The following GREB1L variants were observed in gnomAD, a reference collection of about 807,000 sequenced individuals.
GREB1L encodes GREB1-like protein.
A neutral mutation model predicts 200.8 loss-of-function variants in GREB1L; 17 were observed. That is an observed-to-expected ratio of 0.08 (90% CI 0.06 to 0.13). GREB1L has a LOEUF of 0.13. GREB1L is among the 10% of genes least tolerant of loss of function. The pLI, the probability that GREB1L is intolerant of heterozygous loss-of-function variation, is 1.00. For synonymous variants in GREB1L, 789 were observed against 893.0 expected (o/e 0.88, Z 2.08); for missense variants, 1,657 against 2,367.7 (o/e 0.70, Z 6.23).
intron 15 of GREB1L, among the ~76,000 whole-genome samples, chr18:21,463,109 C>T (rs2035115679): frequency 6.8e-6 from 1 of 146,852 alleles, no homozygotes; most frequent in Non-Finnish European, 1.5e-5. Flanking sequence ...TAGGAGAGAG[C>T]CGATAGGTAA....
intron 5 of GREB1L, among the ~76,000 whole-genome samples, chr18:21,398,793 T>G (rs1484483648): frequency 1.3e-5 from 2 of 152,336 alleles, no homozygotes; most frequent in African/African-American, 4.8e-5. Flanking sequence ...ATTGATCCAG[T>G]TGGTAGTGCA....
At chr18:21,434,147 C>T (rs2033355732) in intron 7 of GREB1L, among the ~76,000 whole-genome samples, 1 of 151,980 alleles carries the variant, frequency 6.6e-6, no homozygotes, top group Admixed American at 6.6e-5. Flanking sequence ...AAATAATAAA[C>T]TCATCTAGGT....
chr18:21,443,755 G>A (rs2034045600), intron 10 of GREB1L, among the ~76,000 whole-genome samples: 1 of 152,090 alleles, frequency 6.6e-6, no homozygotes, highest in Admixed American at 6.6e-5. Flanking sequence ...ATATCCTCAA[G>A]TCCCTCATAT....
chr18:21,356,547 C>A (rs1455149722), intron 1 of GREB1L, among the ~76,000 whole-genome samples: 1 of 152,088 alleles, frequency 6.6e-6, no homozygotes, highest in Non-Finnish European at 1.5e-5. Context: ...TGTATATATA[C>A]CACATTTTCC....
chr18:21,417,234 T>C lies in GREB1L; in HGVS notation c.832+13240T>C, dbSNP rs1246090307. Among the ~76,000 whole-genome samples the C allele has an allele frequency of 4.0e-5, 6 of 151,580 alleles. No individual in the cohort carries two copies. In the East Asian group the frequency reaches 9.8e-4, roughly 25 times the overall value. On this transcript the variant is annotated intron_variant, in intron 7 of 32. Coordinates refer to ENST00000424526, the MANE Select transcript of GREB1L (RefSeq NM_001142966.3). ...TAGAATTCTATACCCAATAAAAATA[T>C]CTTTTGGCCAGGTGCGGTGGCTCAC... is the stretch of plus-strand genomic sequence containing the variant.
chr18:21,348,180 C>T (rs1366682174), intron 1 of GREB1L, among the ~76,000 whole-genome samples: 3 of 151,904 alleles, frequency 2.0e-5, no homozygotes, highest in South Asian at 2.1e-4. Context: ...CTCCTGACCT[C>T]GTGTTCCGCC....
intron 1 of GREB1L, among the ~76,000 whole-genome samples, chr18:21,247,984 C>T (rs1187500242): frequency 2.0e-5 from 3 of 152,074 alleles, no homozygotes; most frequent in South Asian, 2.1e-4. Flanking sequence ...CCTCAGCGCC[C>T]ACTAAAAAAG....
intron 23 of GREB1L, among the ~76,000 whole-genome samples, chr18:21,503,214 A>T (rs1272915473): frequency 1.3e-5 from 2 of 151,702 alleles, no homozygotes; most frequent in South Asian, 4.1e-4. Context: ...TTAATAATAA[A>T]AAAATATATA....
chr18:21,366,738 T>G (rs988604045), intron 2 of GREB1L, among the ~76,000 whole-genome samples: 1 of 151,254 alleles, frequency 6.6e-6, no homozygotes, highest in Admixed American at 6.6e-5. Context: ...TTCTCTCCTT[T>G]TGGAAGTTAC....
At chr18:21,394,952 AAATT>A (rs1157075620) in intron 4 of GREB1L, among the ~76,000 whole-genome samples, 1 of 149,906 alleles carries the variant, frequency 6.7e-6, no homozygotes, top group African/African-American at 2.5e-5. Context: ...AAAAAAAAAA[AAATT>A]AGCCGGGTGT....
At chr18:21,481,965 T>A (rs935792044) in intron 17 of GREB1L, among the ~76,000 whole-genome samples, 1 of 152,154 alleles carries the variant, frequency 6.6e-6, no homozygotes, top group African/African-American at 2.4e-5. Flanking sequence ...TCTCTGAGAG[T>A]GAAATTGCTG....
chr18:21,451,033 G>A lies in GREB1L; in HGVS notation c.1731G>A (p.Gln577=). The A allele has an allele frequency of 6.4e-7, 1 of 1,552,070 alleles. No homozygotes were observed. The highest frequency in any genetic ancestry group is 8.7e-7 in the Non-Finnish European group (1 of 1,147,050). ...TCCTCCATCCTGCAGGTCAGCACCA[G>A]TCCCGAGCTCTGGCAGAGAGCATGC... The part of the protein sequence containing the change: ...EFCVVVLGQH[Q]SRALAESMLT... The change falls in exon 13 of 33, where the codon CAG becomes CAA. Residue 577 remains glutamine (Q), a synonymous_variant. Transcript: ENST00000424526.
intron 1 of GREB1L, among the ~76,000 whole-genome samples, chr18:21,287,066 C>G (rs540942014): frequency 2.0e-5 from 3 of 152,266 alleles, no homozygotes; most frequent in Admixed American, 6.5e-5. Flanking sequence ...AAGTATTTCA[C>G]CTAGCCTGCT....
At chr18:21,309,023 G>A (rs2038748655) in intron 1 of GREB1L, among the ~76,000 whole-genome samples, 1 of 152,214 alleles carries the variant, frequency 6.6e-6, no homozygotes, top group Non-Finnish European at 1.5e-5. Context: ...AGAGTATCAA[G>A]GAAGCCCTTC....
intron 1 of GREB1L, among the ~76,000 whole-genome samples, chr18:21,347,466 T>C (rs1051357081): frequency 1.3e-5 from 2 of 151,936 alleles, no homozygotes; most frequent in African/African-American, 2.4e-5. Flanking sequence ...TCACTCTTTT[T>C]TTTTTTTGAG....
chr18:21,492,960 T>C (rs1005658381), intron 19 of GREB1L, among the ~76,000 whole-genome samples: 2 of 152,152 alleles, frequency 1.3e-5, no homozygotes, highest in Non-Finnish European at 2.9e-5. Context: ...CTTAAAAATA[T>C]ATAAAAATAA....
rs1028064999 is a variant in GREB1L at position 21,524,011 on chromosome 18, C to T, written c.*1190C>T. 6.6e-6 allele frequency: 1 copy of T among 152,148 alleles called. No homozygotes were observed. The highest frequency in any genetic ancestry group is 1.9e-4 in the East Asian group (1 of 5,196). 9.4% of individuals were successfully genotyped at this position (152,148 alleles called of 1,614,324 possible). A position where few individuals can be genotyped will look rare whatever the true frequency, so the allele number is the denominator to read the frequency against. ...ATTTCTCAAATATTTTAATCAAAAA[C>T]ATTATTTTTAGAAAGTGTTCTAGAT... On this transcript the variant is annotated 3_prime_UTR_variant, in exon 33 of 33. Coordinates refer to ENST00000424526, the MANE Select transcript of GREB1L (RefSeq NM_001142966.3).
intron 1 of GREB1L, among the ~76,000 whole-genome samples, chr18:21,249,895 C>G (rs1025474887): frequency 6.6e-6 from 1 of 150,794 alleles, no homozygotes; most frequent in African/African-American, 2.4e-5. Context: ...TATCTCTGTT[C>G]TCAGGAGAAT....
At chr18:21,336,627 G>C (rs776128825) in intron 1 of GREB1L, among the ~76,000 whole-genome samples, 5 of 152,128 alleles carry the variant, frequency 3.3e-5, no homozygotes, top group African/African-American at 4.8e-5. Flanking sequence ...CCCTTATATG[G>C]AGTCAGATTA....
Sources: allele counts gnomAD v4.1 joint callset (sites outside exome capture counted in the v4.1 genomes callset), GRCh38; gene constraint gnomAD v4.1.1; transcripts MANE v1.5; gene names NCBI Gene and HGNC (gene_info 2026-07-23, HGNC 2026-07-21).